SYTL5: variants seen among roughly 807,000 people sequenced by gnomAD.
The protein encoded by SYTL5 is synaptotagmin-like protein 5.
Under a neutral mutation model 55.9 loss-of-function variants are expected in SYTL5, and 34 were observed. The ratio of observed to expected loss-of-function variants is 0.61; its 90% CI spans 0.46 to 0.81. The LOEUF is 0.81. Among genes scored for constraint, SYTL5 ranks in the 30% least tolerant of loss-of-function variants. SYTL5 has a pLI of 0.00. For missense variants in SYTL5, 637 were observed against 546.7 expected (o/e 1.17, Z -1.65); for synonymous variants, 221 against 188.7 (o/e 1.17, Z -1.40).
the SYTL5 span, among the ~76,000 whole-genome samples, chrX:38,001,067 G>C: frequency 9.0e-6 from 1 of 110,841 alleles, no homozygotes; most frequent in Non-Finnish European, 1.9e-5. Flanking sequence ...CATTTGGGCA[G>C]GAAAAAATGT....
At chrX:38,107,524 A>T (rs762231633) in intron 11 of SYTL5, among the ~76,000 whole-genome samples, 5 of 112,080 alleles carry the variant, frequency 4.5e-5, no homozygotes, top group African/African-American at 1.6e-4. Context: ...GAACCCGTTC[A>T]GCATAAGCCA....
At chrX:37,900,047 A>G in the SYTL5 span, among the ~76,000 whole-genome samples, 1 of 112,055 alleles carries the variant, frequency 8.9e-6, no homozygotes, top group Non-Finnish European at 1.9e-5. Context: ...TCCGTATAGA[A>G]TAGGCTGAAT....
intron 7 of SYTL5, 64 bp from the exon 8 acceptor site, chrX:38,094,231 T>A (rs896995148): frequency 1.0e-6 from 1 of 1,004,786 alleles, no homozygotes; most frequent in East Asian, 3.2e-5. Context: ...TATATTTATG[T>A]AGATGAATTT....
chrX:37,986,559 G>A, the SYTL5 span, among the ~76,000 whole-genome samples: 1 of 112,078 alleles, frequency 8.9e-6, no homozygotes, highest in African/African-American at 3.2e-5. Context: ...TTTCATTTCT[G>A]CCTTTTAGTT....
intron 1 of SYTL5, among the ~76,000 whole-genome samples, chrX:38,025,406 A>T (rs1327454256): frequency 8.9e-6 from 1 of 112,139 alleles, no homozygotes; most frequent in African/African-American, 3.2e-5. Flanking sequence ...CTCAAAATAG[A>T]TGCTTTTTAA....
chrX:38,011,123 G>A (rs1426315828), intron 1 of SYTL5, among the ~76,000 whole-genome samples: 1 of 112,168 alleles, frequency 8.9e-6, no homozygotes, highest in Non-Finnish European at 1.9e-5. Flanking sequence ...CTAGACTGCT[G>A]TTACATGTTG....
At chrX:37,995,509 T>G in the SYTL5 span, among the ~76,000 whole-genome samples, 691 of 112,200 alleles carry the variant, frequency 6.2e-3, 8 homozygotes, top group Admixed American at 0.015. Flanking sequence ...GGATGATTCC[T>G]TATGGAGAGC....
intron 1 of SYTL5, among the ~76,000 whole-genome samples, chrX:38,025,140 C>T (rs1934719280): frequency 3.6e-5 from 4 of 111,960 alleles, no homozygotes; most frequent in Non-Finnish European, 1.9e-5. Flanking sequence ...GGGTATTTTG[C>T]GTATGTGATT....
intron 14 of SYTL5, among the ~76,000 whole-genome samples, chrX:38,121,675 A>G (rs1263242670): frequency 1.8e-5 from 2 of 112,383 alleles, no homozygotes; most frequent in East Asian, 5.6e-4. Context: ...CTAAAATATC[A>G]AAGGGAGTTA....
chrX:38,004,966 C>A (rs959318444), upstream of SYTL5, among the ~76,000 whole-genome samples: 1 of 111,589 alleles, frequency 9.0e-6, no homozygotes, highest in Non-Finnish European at 1.9e-5. Flanking sequence ...TTGCTTGAGG[C>A]TATGGATACC....
chrX:37,990,689 C>A, the SYTL5 span: 1 of 817,857 alleles, frequency 1.2e-6, no homozygotes, highest in Non-Finnish European at 1.7e-6. Flanking sequence ...ATCACAAAGT[C>A]TAGGGATGTC....
intron 1 of SYTL5, among the ~76,000 whole-genome samples, chrX:38,033,236 C>T (rs187450935): frequency 3.5e-4 from 39 of 111,167 alleles, no homozygotes; most frequent in African/African-American, 1.2e-3. Context: ...AGTGGTGACC[C>T]AATTCACCCA....
intron 1 of SYTL5, among the ~76,000 whole-genome samples, chrX:38,022,922 C>T (rs1331109947): frequency 1.8e-5 from 2 of 111,327 alleles, no homozygotes; most frequent in Admixed American, 1.9e-4. Context: ...AAGATTATGG[C>T]TTTTTTAGAG....
chrX:38,040,734 G>A (rs1935260889), intron 2 of SYTL5, among the ~76,000 whole-genome samples: 1 of 111,616 alleles, frequency 9.0e-6, no homozygotes. Context: ...TCTGTTGATG[G>A]CTGCTTCCAA....
chrX:37,975,253 T>C, the SYTL5 span, among the ~76,000 whole-genome samples: 8 of 111,805 alleles, frequency 7.2e-5, no homozygotes, highest in Non-Finnish European at 1.1e-4. Flanking sequence ...CCACCTGTCA[T>C]TGGCTGAGAG....
chrX:38,097,308 T>C (rs192233381), intron 9 of SYTL5, among the ~76,000 whole-genome samples: 102 of 110,365 alleles, frequency 9.2e-4, no homozygotes, highest in Non-Finnish European at 1.1e-3. Flanking sequence ...ATGTAGAAGA[T>C]ACTAAAGGAT....
At chrX:37,939,047 C>T in the SYTL5 span, among the ~76,000 whole-genome samples, 3 of 110,527 alleles carry the variant, frequency 2.7e-5, no homozygotes, top group African/African-American at 9.9e-5. Context: ...CACCTGAGGT[C>T]GGGAGTTTGA....
At chrX:37,994,312 G>C in the SYTL5 span, 1 of 112,523 alleles carries the variant, frequency 8.9e-6, no homozygotes, top group Non-Finnish European at 1.9e-5. Flanking sequence ...AAATCAAGCT[G>C]TGCCAATTGG....
chrX:38,117,816 G>A (rs1937517887), intron 13 of SYTL5, among the ~76,000 whole-genome samples: 2 of 111,761 alleles, frequency 1.8e-5, no homozygotes, highest in Admixed American at 1.9e-4. Context: ...CTCTTAGTAC[G>A]AGTTCCCAGA....
Sources: allele counts gnomAD v4.1 joint callset (sites outside exome capture counted in the v4.1 genomes callset), GRCh38; gene constraint gnomAD v4.1.1; transcripts MANE v1.5; gene names NCBI Gene and HGNC (gene_info 2026-07-23, HGNC 2026-07-21).